Variants in NSD1 observed in about 807,000 individuals in gnomAD.
NSD1 encodes nuclear receptor binding SET domain protein 1.
A neutral mutation model predicts 242.7 loss-of-function variants in NSD1; 26 were observed. That is an observed-to-expected ratio of 0.11 (90% CI 0.08 to 0.15). NSD1 has a LOEUF of 0.15. Ranked by LOEUF, NSD1 falls within the 10% of genes least tolerant of loss-of-function variation. NSD1 has a pLI of 1.00. For synonymous variants in NSD1, 1,106 were observed against 1,178.1 expected, an observed-to-expected ratio of 0.94 and a Z score of 1.25; for missense variants, 2,495 against 3,272.8, an observed-to-expected ratio of 0.76 and a Z score of 5.80.
At chr5:177,168,450 CT>C (rs916381661) in intron 2 of NSD1, among the ~76,000 whole-genome samples, 2,665 of 130,162 alleles carry the variant, frequency 0.02, 7 homozygotes, top group Non-Finnish European at 0.031. Flanking sequence ...TTGTTCATTG[CT>C]TTTTTTTTTT....
At chr5:177,226,806 G>C (rs1049457694) in intron 5 of NSD1, among the ~76,000 whole-genome samples, 4 of 151,728 alleles carry the variant, frequency 2.6e-5, no homozygotes, top group Admixed American at 6.6e-5. Context: ...TCACAATCTA[G>C]TAATTAAAAA....
At chr5:177,220,992 T>C (rs1325230893) in intron 5 of NSD1, 5 of 453,334 alleles carry the variant, frequency 1.1e-5, no homozygotes, top group African/African-American at 1.0e-4. Context: ...GCCTCCTGAG[T>C]AGCTGGGGCT....
In NSD1 at chr5:177,211,940, G is replaced by C. The variant is rs2149848759; in HGVS notation, c.3541G>C (p.Glu1181Gln). Residue 1181 changes from glutamate (E) to glutamine (Q), a missense_variant, in exon 5 of 23, where the codon GAA (glutamate) becomes CAA (glutamine). Glu to Gln is a conservative substitution (Grantham distance 29, BLOSUM62 2). This residue lies in a region of NSD1 where 426 missense variants were observed against 411.4 expected (regional missense o/e 1.04). Coordinates refer to ENST00000439151, the MANE Select transcript of NSD1 (RefSeq NM_022455.5). Reference sequence around the variant, plus strand: ...GCGCATGAACAGATTTAAAGAGAAAGAAAACTCTGAGTGTGCCTTTAGGGT... The same window carrying C: ...GCGCATGAACAGATTTAAAGAGAAACAAAACTCTGAGTGTGCCTTTAGGGT... Reference protein sequence around the residue: ...RKRMNRFKEKENSECAFRVLL... With the variant: ...RKRMNRFKEKQNSECAFRVLL... The C allele has an allele frequency of 6.2e-7, 1 of 1,604,256 alleles. No homozygotes were observed. The highest frequency in any genetic ancestry group is 8.5e-7 in the Non-Finnish European group (1 of 1,175,162).
intron 2 of NSD1, among the ~76,000 whole-genome samples, chr5:177,141,645 A>G (rs750707143): frequency 1.3e-5 from 2 of 151,852 alleles, no homozygotes; most frequent in African/African-American, 2.4e-5. Context: ...CTTCTCAAAC[A>G]GTCCTTTTTT....
intron 22 of NSD1, 58 bp from the exon 23 acceptor site, chr5:177,293,774 G>C: frequency 6.3e-7 from 1 of 1,586,042 alleles, no homozygotes; most frequent in Non-Finnish European, 8.6e-7. Flanking sequence ...CATAGCCTTG[G>C]CCCATGTGAT....
intron 5 of NSD1, among the ~76,000 whole-genome samples, chr5:177,217,808 C>T (rs1486314605): frequency 6.6e-6 from 1 of 151,742 alleles, no homozygotes; most frequent in Non-Finnish European, 1.5e-5. Context: ...GATGGGATTA[C>T]AGGCGCCTGA....
chr5:177,198,925 C>A (rs58420080), intron 3 of NSD1, among the ~76,000 whole-genome samples: 13,644 of 152,216 alleles, frequency 0.09, 2,014 homozygotes, highest in African/African-American at 0.31. Context: ...CACACCCATA[C>A]GTGTTTGCCT....
intron 20 of NSD1, 101 bp downstream of exon 20, chr5:177,284,029 G>A: frequency 7.3e-7 from 1 of 1,376,258 alleles, no homozygotes; most frequent in South Asian, 1.2e-5. Flanking sequence ...ATTTCTATAT[G>A]TACCGTTCTC....
Position 177,134,594 on chromosome 5 carries a change from G to A in NSD1, c.-17-493G>A, listed in dbSNP as rs1328109906. Reference sequence around the variant, plus strand: ...GCGGCCTGCGCACCGCCGCTGCAAAGGCTCCGGCGCTGGCTGGGCGCAGGG... The same window carrying A: ...GCGGCCTGCGCACCGCCGCTGCAAAAGCTCCGGCGCTGGCTGGGCGCAGGG... On this transcript the variant is annotated intron_variant, in intron 1 of 22. Coordinates refer to ENST00000439151, the MANE Select transcript of NSD1 (RefSeq NM_022455.5). The surrounding 1 kb of genome is among the most constrained non-coding windows in gnomAD (Gnocchi z 4.2). Among the ~76,000 whole-genome samples, 1 of 152,204 alleles carries A rather than the reference G, an allele frequency of 6.6e-6. No individual in the cohort carries two copies. Among genetic ancestry groups the A allele is most frequent in the Non-Finnish European group, 1.5e-5 (1 of 68,018 alleles).
rs1157349270 is a variant in NSD1 at position 177,172,961 on chromosome 5, C to CAAA, written c.928-18904_928-18902dup. 7.8e-3 allele frequency among the ~76,000 whole-genome samples: 517 copies of CAAA among 65,876 alleles called. 12 individuals carry two copies. Among genetic ancestry groups the CAAA allele is most frequent in the African/African-American group, 0.026 (469 of 18,378 alleles). The allele number at this position is 65,876 out of a possible 152,430, so 43.2% of individuals were successfully genotyped here. A position where few individuals can be genotyped will look rare whatever the true frequency, so the allele number is the denominator to read the frequency against. On this transcript the variant is annotated intron_variant, in intron 2 of 22. Transcript: ENST00000439151. ...TGGGTAACAGAGCGAGACCCTGTCT[C>CAAA]AAAAAAAAAAAAAAAAAAAAAGAAT...
rs1211106181 is a variant in NSD1, at chr5:177,295,161, A to G, written c.7793A>G (p.Gln2598Arg). 5 of 1,614,052 alleles carry G rather than the reference A, an allele frequency of 3.1e-6. No homozygotes were observed. Among genetic ancestry groups the G allele is most frequent in the Non-Finnish European group, 8.5e-7 (1 of 1,180,016 alleles). Reference protein sequence around the residue: ...QLPALAAKSGQSFRSLGKAPA... With the variant: ...QLPALAAKSGRSFRSLGKAPA... Reference sequence around the variant, plus strand: ...CCTGCACTTGCCGCCAAGAGTGGGCAATCTTTTAGGTCTCTCGGGAAGGCC... The same window carrying G: ...CCTGCACTTGCCGCCAAGAGTGGGCGATCTTTTAGGTCTCTCGGGAAGGCC... The change falls in exon 23 of 23, where the codon CAA (glutamine) becomes CGA (arginine). Residue 2598 changes from glutamine to arginine, a missense_variant. Around this residue, in one of 19 missense-constraint regions of NSD1, gnomAD observed 475 missense variants for 563.7 expected, o/e 0.84. Transcript: ENST00000439151. This position sits in a 1 kb window ranked among gnomAD's most constrained non-coding sequence, Gnocchi z 4.3.
At chr5:177,193,265 C>G (rs999127203) in intron 3 of NSD1, among the ~76,000 whole-genome samples, 4 of 151,976 alleles carry the variant, frequency 2.6e-5, no homozygotes, top group African/African-American at 9.7e-5. Context: ...CTCAGCCTCC[C>G]GAGTAGCTGG....
chr5:177,177,277 G>T (rs779627703), intron 2 of NSD1, among the ~76,000 whole-genome samples: 41 of 152,240 alleles, frequency 2.7e-4, no homozygotes, highest in Middle Eastern at 3.4e-3. Flanking sequence ...CACTTTGGGA[G>T]GCTGAGGTGG....
Position 177,210,889 on chromosome 5 carries a change from T to C in NSD1, c.2490T>C (p.Ser830=). ...KGSPLASISK[S]GKVDGLKLLN... is the part of the protein sequence containing the mutation. ...CTCCTTTGGCCAGCATTTCTAAAAGTGGGAAAGTGGATGGTCTAAAACTAC... is the reference window on the plus strand; with the variant it reads ...CTCCTTTGGCCAGCATTTCTAAAAGCGGGAAAGTGGATGGTCTAAAACTAC... The change falls in exon 5 of 23, where the codon AGT becomes AGC. Residue 830 remains serine, a synonymous_variant. Transcript: ENST00000439151. 1 of 1,614,054 alleles carries C rather than the reference T, an allele frequency of 6.2e-7. No homozygotes were observed. Among genetic ancestry groups the C allele is most frequent in the East Asian group, 2.2e-5 (1 of 44,864 alleles).
Position 177,297,821 on chromosome 5 carries a change from GGCT to G in NSD1, c.*2366_*2368del. 1 of 232,998 alleles carries G rather than the reference GGCT, an allele frequency of 4.3e-6. No homozygotes were observed. Among genetic ancestry groups the G allele is most frequent in the Non-Finnish European group, 8.5e-6 (1 of 117,984 alleles). 14.4% of individuals were successfully genotyped at this position (232,998 alleles called of 1,614,324 possible). Reference sequence around the variant, plus strand: ...GGAGTGAGGGAAAGGGGCCATGATTGGCTGCTTTGTGGTTTTATTTTGGTTCTT... The same window carrying G: ...GGAGTGAGGGAAAGGGGCCATGATTGGCTTTGTGGTTTTATTTTGGTTCTT... On this transcript the variant is annotated 3_prime_UTR_variant, in exon 23 of 23. Transcript: ENST00000439151.
At position 177,298,832 on chromosome 5, in the gene NSD1, C is replaced by T. The variant is rs1021773858; in HGVS notation, c.*3373C>T. On this transcript the variant is annotated 3_prime_UTR_variant, in exon 23 of 23. Transcript: ENST00000439151. Reference sequence around the variant, plus strand: ...AGGGAGTAATGAGGACAGCATGAAACTTGGATAGGTTTTACCCTTAGTCCC... The same window carrying T: ...AGGGAGTAATGAGGACAGCATGAAATTTGGATAGGTTTTACCCTTAGTCCC... The T allele has an allele frequency of 3.0e-5, 7 of 233,010 alleles. No individual in the cohort carries two copies. The highest frequency in any genetic ancestry group is 1.7e-4 in the Admixed American group (3 of 17,776). 14.4% of individuals were successfully genotyped at this position (233,010 alleles called of 1,614,324 possible). A position where few individuals can be genotyped will look rare whatever the true frequency, so the allele number is the denominator to read the frequency against.
At chr5:177,280,457 A>G (rs1758783459) in intron 17 of NSD1, 108 bp from the exon 18 acceptor site, 1 of 1,229,314 alleles carries the variant, frequency 8.1e-7, no homozygotes, top group Non-Finnish European at 1.2e-6. Context: ...GTTCAAAATC[A>G]TGGGAAATGT....
chr5:177,163,923 A>G (rs971588564), intron 2 of NSD1, among the ~76,000 whole-genome samples: 1 of 152,180 alleles, frequency 6.6e-6, no homozygotes, highest in African/African-American at 2.4e-5. Flanking sequence ...CTAAGAACAC[A>G]ACTACATAAT....
intron 2 of NSD1, among the ~76,000 whole-genome samples, chr5:177,145,099 A>AG (rs1226437903): frequency 6.6e-6 from 1 of 151,878 alleles, no homozygotes; most frequent in Non-Finnish European, 1.5e-5. Context: ...AAAAAAAAAA[A>AG]AAAGTCAAAC....
Sources: gnomAD v4.1 joint callset for allele counts (sites outside exome capture counted in the v4.1 genomes callset) on GRCh38, gnomAD v4.1.1 for gene constraint, gnomAD v4.1.1 regional missense constraint, Gnocchi (gnomAD v3.1) non-coding constraint, MANE v1.5 for transcripts, NCBI Gene and HGNC (gene_info 2026-07-23, HGNC 2026-07-21) for gene names.